Variants in AOPEP observed in about 807,000 individuals in gnomAD.
The protein encoded by AOPEP is aminopeptidase O.
A neutral mutation model predicts 98.1 loss-of-function variants in AOPEP; 77 were observed. That is an observed-to-expected ratio of 0.78 (90% CI 0.65 to 0.95). The LOEUF is 0.95. Ranked by LOEUF, AOPEP falls within the 40% of genes least tolerant of loss-of-function variation. The pLI, the probability that AOPEP is intolerant of heterozygous loss-of-function variation, is 0.00. For synonymous variants in AOPEP, 346 were observed against 365.3 expected, an observed-to-expected ratio of 0.95 and a Z score of 0.60; for missense variants, 1,024 against 1,024.7, an observed-to-expected ratio of 1.00 and a Z score of 0.01.
chr9:94,978,583 T>A (rs1334420498), intron 10 of AOPEP, among the ~76,000 whole-genome samples: 1 of 151,870 alleles, frequency 6.6e-6, no homozygotes, highest in Non-Finnish European at 1.5e-5. Flanking sequence ...TGGGAGGAGG[T>A]CAAGAAAGGC....
At chr9:95,082,510 CAT>C (rs2069934830) in intron 15 of AOPEP, 63 bp from the exon 16 acceptor site, 22 of 1,556,914 alleles carry the variant, frequency 1.4e-5, no homozygotes, top group African/African-American at 2.7e-5. Context: ...AGACTGAGCT[CAT>C]GTGTGCGTGT....
At chr9:95,119,301 A>G in the AOPEP span, among the ~76,000 whole-genome samples, 2 of 151,624 alleles carry the variant, frequency 1.3e-5, no homozygotes, top group African/African-American at 2.4e-5. Flanking sequence ...TGTTGTATAC[A>G]TATATTACAA....
intron 2 of AOPEP, among the ~76,000 whole-genome samples, chr9:94,763,620 G>A (rs967718002): frequency 1.3e-5 from 2 of 152,150 alleles, no homozygotes; most frequent in African/African-American, 4.8e-5. Context: ...AGGACTTCTT[G>A]GAGAAATGTC....
chr9:94,731,424 C>A (rs1016020671), intron 1 of AOPEP, among the ~76,000 whole-genome samples: 1 of 151,974 alleles, frequency 6.6e-6, no homozygotes. Flanking sequence ...GATGGGGTTT[C>A]ACTGCGTTAG....
intron 2 of AOPEP, among the ~76,000 whole-genome samples, chr9:94,772,171 G>C (rs1049764774): frequency 1.3e-5 from 2 of 152,180 alleles, no homozygotes; most frequent in Non-Finnish European, 2.9e-5. Flanking sequence ...CTGAAAAACA[G>C]AAAGTAGAAA....
At chr9:95,005,456 G>A in intron 12 of AOPEP, 86 bp from the exon 13 acceptor site, 2 of 1,327,566 alleles carry the variant, frequency 1.5e-6, no homozygotes, top group East Asian at 2.3e-5. Flanking sequence ...AGGTCGCGAG[G>A]CCGGGGGTCT....
rs112331875 is a variant in AOPEP at position 94,937,139 on chromosome 9, C to G, written c.1661+8608C>G. On this transcript the variant is annotated intron_variant, in intron 7 of 16. Transcript: ENST00000375315. ...TGGGGGGCGGGGCTGAAAGTCCCAACCCTCTAATGCTGCCTTGGTCTTTCC... is the reference window on the plus strand; with the variant it reads ...TGGGGGGCGGGGCTGAAAGTCCCAAGCCTCTAATGCTGCCTTGGTCTTTCC... Among the ~76,000 whole-genome samples the G allele has an allele frequency of 7.9e-5, 12 of 152,338 alleles. 1 individual carries two copies. Among genetic ancestry groups the G allele is most frequent in the African/African-American group, 2.9e-4 (12 of 41,576 alleles).
At chr9:94,952,075 A>G (rs184205551) in intron 7 of AOPEP, among the ~76,000 whole-genome samples, 3 of 152,336 alleles carry the variant, frequency 2.0e-5, no homozygotes, top group Admixed American at 2.0e-4. Context: ...TAGACCGACC[A>G]GTTGGATTTG....
At chr9:95,018,812 A>C (rs2063218264) in intron 13 of AOPEP, 1 of 152,188 alleles carries the variant, frequency 6.6e-6, no homozygotes, top group Non-Finnish European at 1.5e-5. Flanking sequence ...ATCCTGTGAA[A>C]GGGCAGATAC....
chr9:95,043,927 G>A (rs2065590033), intron 13 of AOPEP, among the ~76,000 whole-genome samples: 1 of 152,216 alleles, frequency 6.6e-6, no homozygotes, highest in Non-Finnish European at 1.5e-5. Flanking sequence ...TTTTTACATA[G>A]TTGTAACCGC....
At chr9:94,872,158 C>G (rs1005224581) in intron 5 of AOPEP, among the ~76,000 whole-genome samples, 6 of 152,084 alleles carry the variant, frequency 3.9e-5, no homozygotes, top group African/African-American at 1.4e-4. Context: ...ATGAGTTTTT[C>G]TGGGTATATG....
At chr9:94,873,393 C>T (rs1043169379) in intron 5 of AOPEP, among the ~76,000 whole-genome samples, 1 of 152,166 alleles carries the variant, frequency 6.6e-6, no homozygotes, top group East Asian at 1.9e-4. Context: ...TTCCAGAATT[C>T]TTTGGAATTA....
chr9:95,137,669 T>G, the AOPEP span, among the ~76,000 whole-genome samples: 7 of 152,154 alleles, frequency 4.6e-5, no homozygotes, highest in African/African-American at 1.4e-4. Context: ...AATAGGTCCT[T>G]GAATATCCAA....
chr9:94,757,398 C>A (rs1008312753), intron 1 of AOPEP, among the ~76,000 whole-genome samples: 5 of 152,218 alleles, frequency 3.3e-5, no homozygotes, highest in African/African-American at 1.2e-4. Flanking sequence ...ACTTAAAACA[C>A]ATACCACGTA....
chr9:94,992,871 G>T (rs778906701), intron 11 of AOPEP, among the ~76,000 whole-genome samples: 62 of 152,208 alleles, frequency 4.1e-4, no homozygotes, highest in Admixed American at 7.9e-4. Flanking sequence ...ATTGCCCTCA[G>T]ACTTAAAAGT....
At chr9:94,857,384 A>G (rs1004277482) in intron 5 of AOPEP, among the ~76,000 whole-genome samples, 11 of 152,162 alleles carry the variant, frequency 7.2e-5, no homozygotes, top group Admixed American at 2.0e-4. Context: ...GAAATTTCCG[A>G]TTTGCTTTGG....
At chr9:95,125,772 C>G in the AOPEP span, among the ~76,000 whole-genome samples, 1 of 152,226 alleles carries the variant, frequency 6.6e-6, no homozygotes, top group Non-Finnish European at 1.5e-5. Context: ...AGTCTGCAGT[C>G]TGCCCTGCAG....
At chr9:94,931,864 C>T in intron 7 of AOPEP, 2 of 1,396,070 alleles carry the variant, frequency 1.4e-6, no homozygotes, top group South Asian at 2.6e-5. Context: ...CTTGAGTTCC[C>T]TCTGCCTCTG....
chr9:95,062,361 A>T (rs932861552), intron 14 of AOPEP, among the ~76,000 whole-genome samples: 1 of 152,130 alleles, frequency 6.6e-6, no homozygotes, highest in African/African-American at 2.4e-5. Flanking sequence ...CTTGCTCTAC[A>T]TGTGACCGAG....
Sources: gnomAD v4.1 joint callset for allele counts (sites outside exome capture counted in the v4.1 genomes callset) on GRCh38, gnomAD v4.1.1 for gene constraint, MANE v1.5 for transcripts, NCBI Gene and HGNC (gene_info 2026-07-23, HGNC 2026-07-21) for gene names.